Variants in BICC1 observed in about 807,000 individuals in gnomAD.
BICC1 encodes protein bicaudal C homolog 1.
A neutral mutation model predicts 111.0 loss-of-function variants in BICC1; 43 were observed. That is an observed-to-expected ratio of 0.39 (90% confidence interval 0.30 to 0.50). The LOEUF (loss-of-function observed/expected upper bound fraction) is 0.50. BICC1 is among the 20% of genes least tolerant of loss of function. The probability of loss-of-function intolerance (pLI) is 0.88; values close to 1 mark genes in which losing one functional copy is unlikely to be tolerated. For synonymous variants in BICC1, 467 were observed against 434.4 expected, an observed-to-expected ratio of 1.07 and a Z score of -0.93; for missense variants, 1,091 against 1,203.2, an observed-to-expected ratio of 0.91 and a Z score of 1.38.
chr10:58,736,170 G>A (rs1409500774), intron 3 of BICC1, among the ~76,000 whole-genome samples: 1 of 152,160 alleles, frequency 6.6e-6, no homozygotes, highest in East Asian at 1.9e-4. Context: ...GGGGACAGGA[G>A]AGCTTCAGAC....
At chr10:58,563,897 A>T (rs1025781063) in intron 1 of BICC1, among the ~76,000 whole-genome samples, 6 of 116,226 alleles carry the variant, frequency 5.2e-5, no homozygotes, top group Admixed American at 2.2e-4. Flanking sequence ...TGCATATTTG[A>T]GTACTCAAAC....
At chr10:58,736,865 C>T (rs373123935) in intron 3 of BICC1, among the ~76,000 whole-genome samples, 18 of 151,938 alleles carry the variant, frequency 1.2e-4, no homozygotes, top group East Asian at 1.2e-3. Flanking sequence ...AATTATTTGT[C>T]GTATTCAGCC....
intron 9 of BICC1, among the ~76,000 whole-genome samples, chr10:58,795,948 G>C (rs879385392): frequency 2.0e-5 from 3 of 152,084 alleles, no homozygotes; most frequent in Non-Finnish European, 4.4e-5. Flanking sequence ...AAGATGAGGG[G>C]CTGTAAAAAG....
At position 58,800,262 on chromosome 10, in the gene BICC1, C is replaced by T. The variant is rs200359511; in HGVS notation, c.1794C>T (p.His598=). ...SLGEKVLSAN[H]GDPSIQTSGS... ...GAGAAAAAGTGCTGAGTGCAAATCA[C>T]GGGGATCCGTCCATCCAGACAAGTG... The change falls in exon 13 of 21, where the codon CAC becomes CAT. Residue 598 remains histidine, a synonymous_variant. Coordinates refer to ENST00000373886, the MANE Select transcript of BICC1 (RefSeq NM_001080512.3). 56 of 1,613,444 alleles carry T rather than the reference C, an allele frequency of 3.5e-5. No homozygotes were observed. The East Asian group carries it at 3.8e-4, about 11-fold the overall frequency.
At chr10:58,772,921 A>G (rs1165891412) in intron 3 of BICC1, among the ~76,000 whole-genome samples, 3 of 152,226 alleles carry the variant, frequency 2.0e-5, no homozygotes, top group East Asian at 3.8e-4. Context: ...GAAAATATTA[A>G]AGAAATTCAA....
intron 1 of BICC1, among the ~76,000 whole-genome samples, chr10:58,588,416 C>T (rs1844497605): frequency 6.6e-6 from 1 of 152,128 alleles, no homozygotes; most frequent in Admixed American, 6.5e-5. Context: ...GCATCAGTCA[C>T]TTTGTTTTAC....
At chr10:58,526,579 TCC>T (rs56139163) in intron 1 of BICC1, among the ~76,000 whole-genome samples, 27,908 of 151,882 alleles carry the variant, frequency 0.18, 3,484 homozygotes, top group East Asian at 0.45. Context: ...CCCTCCCTGC[TCC>T]CCCCACCCCA....
At chr10:58,735,041 A>G (rs531755200) in intron 3 of BICC1, among the ~76,000 whole-genome samples, 25 of 152,350 alleles carry the variant, frequency 1.6e-4, no homozygotes, top group African/African-American at 6.0e-4. Context: ...TGACAAAGGT[A>G]GACAGTGAAA....
chr10:58,672,842 T>C (rs1454571615), intron 2 of BICC1, among the ~76,000 whole-genome samples: 1 of 152,148 alleles, frequency 6.6e-6, no homozygotes, highest in Non-Finnish European at 1.5e-5. Context: ...GAGGTTATAT[T>C]GAGGGAATTT....
At chr10:58,586,476 C>A (rs956848864) in intron 1 of BICC1, among the ~76,000 whole-genome samples, 2 of 150,678 alleles carry the variant, frequency 1.3e-5, no homozygotes, top group African/African-American at 4.9e-5. Flanking sequence ...AGAGTACTTC[C>A]TGTAATACCA....
At chr10:58,764,054 A>C (rs926942648) in intron 3 of BICC1, among the ~76,000 whole-genome samples, 1 of 152,192 alleles carries the variant, frequency 6.6e-6, no homozygotes. Flanking sequence ...GTACAGGTAC[A>C]GTAACACATA....
At position 58,716,745 on chromosome 10, in the gene BICC1, A is replaced by G. The variant is rs1465719777; in HGVS notation, c.307+14602A>G. ...TGTAGTTTAATTTTTTTCCCCTCGT[A>G]TACTTTTATTTACCTGGGGAAGGAG... On this transcript the variant is annotated intron_variant, in intron 3 of 20. Transcript: ENST00000373886. Among the ~76,000 whole-genome samples the G allele has an allele frequency of 2.0e-5, 3 of 151,604 alleles. 1 individual carries two copies. Among genetic ancestry groups the G allele is most frequent in the Middle Eastern group, 3.4e-3 (1 of 294 alleles).
chr10:58,707,777 A>C (rs1021805355), intron 3 of BICC1, among the ~76,000 whole-genome samples: 4 of 151,876 alleles, frequency 2.6e-5, no homozygotes, highest in Non-Finnish European at 5.9e-5. Flanking sequence ...GGCTCACCGC[A>C]ACCTCCACCT....
chr10:58,624,115 G>C (rs1351147458), intron 2 of BICC1, among the ~76,000 whole-genome samples: 1 of 152,146 alleles, frequency 6.6e-6, no homozygotes, highest in Non-Finnish European at 1.5e-5. Flanking sequence ...GTTTGCTGGT[G>C]ATCTTTGGTG....
intron 3 of BICC1, among the ~76,000 whole-genome samples, chr10:58,718,793 CCCGCGTGCTT>C (rs1157980222): frequency 1.4e-5 from 2 of 146,630 alleles, no homozygotes; most frequent in African/African-American, 5.4e-5. Context: ...CGTGCGCACG[CCCGCGTGCTT>C]ATGGGTATGT....
chr10:58,789,931 A>C lies in BICC1; in HGVS notation c.1045A>C (p.Met349Leu). The change falls in exon 8 of 21, where the codon ATG (methionine) becomes CTG (leucine). Residue 349 changes from methionine (M) to leucine (L), a missense_variant and splice_region_variant. Coordinates refer to ENST00000373886, the MANE Select transcript of BICC1 (RefSeq NM_001080512.3). ...ESVCLARQYL[M>L]GCLPLVLMFD... is the part of the protein sequence containing the mutation. The stretch of plus-strand genomic sequence containing the variant: ...TGTCTGTCTTGCAAGGCAATATCTC[A>C]TGGTAAGGTTACTGAAATAAGTGTT... The C allele has an allele frequency of 2.5e-6, 4 of 1,613,804 alleles. No individual in the cohort carries two copies. The highest frequency in any genetic ancestry group is 3.4e-6 in the Non-Finnish European group (4 of 1,179,816).
chr10:58,521,768 G>GTGT lies in BICC1; in HGVS notation c.190+8436_190+8437insGTT, dbSNP rs1554801033. 1.8e-5 allele frequency among the ~76,000 whole-genome samples: 2 copies of GTGT among 112,810 alleles called. 1 individual carries two copies. The highest frequency in any genetic ancestry group is 3.8e-5 in the Non-Finnish European group (2 of 52,768). 74.0% of individuals were successfully genotyped at this position (112,810 alleles called of 152,430 possible). ...ATGAAAATCAGCCAGGGAATGTGGT[G>GTGT]TTTTTTTTTTTTTTTTTTTTTTTTT... On this transcript the variant is annotated intron_variant, in intron 1 of 20. Coordinates refer to ENST00000373886, the MANE Select transcript of BICC1 (RefSeq NM_001080512.3).
intron 3 of BICC1, among the ~76,000 whole-genome samples, chr10:58,720,681 A>G (rs964941848): frequency 1.3e-5 from 2 of 152,220 alleles, no homozygotes; most frequent in Non-Finnish European, 2.9e-5. Context: ...TTGGACAGGT[A>G]GAGGAGATCG....
chr10:58,603,284 A>G (rs1845102622), intron 1 of BICC1, among the ~76,000 whole-genome samples: 2 of 152,252 alleles, frequency 1.3e-5, no homozygotes, highest in East Asian at 3.9e-4. Flanking sequence ...ACTAGTTAGG[A>G]TTATAGGAGG....
Sources: gnomAD v4.1 joint callset for allele counts (sites outside exome capture counted in the v4.1 genomes callset) on GRCh38, gnomAD v4.1.1 for gene constraint, MANE v1.5 for transcripts, NCBI Gene and HGNC (gene_info 2026-07-23, HGNC 2026-07-21) for gene names.